The following LENG8 variants were observed in gnomAD, a reference collection of about 807,000 sequenced individuals.
LENG8 encodes leukocyte receptor cluster (LRC) member 8.
In LENG8, 28 loss-of-function variants were observed where a neutral mutation model predicts 102.1. The ratio of observed to expected loss-of-function variants is 0.27; its 90% CI spans 0.20 to 0.38. The LOEUF is 0.38. Ranked by LOEUF, LENG8 falls within the 10% of genes least tolerant of loss-of-function variation. The pLI, the probability that LENG8 is intolerant of heterozygous loss-of-function variation, is 1.00. For synonymous variants in LENG8, 531 were observed against 456.7 expected (o/e 1.16, Z -2.07); for missense variants, 1,022 against 1,113.9 (o/e 0.92, Z 1.17).
chr19:54,457,007 C>T lies in LENG8; in HGVS notation c.1731+86C>T, dbSNP rs555921252. 8.0e-6 allele frequency: 11 copies of T among 1,374,422 alleles called. No individual in the cohort carries two copies. In the Admixed American group the frequency reaches 9.8e-5, roughly 12 times the overall value. 85.1% of individuals were successfully genotyped at this position (1,374,422 alleles called of 1,614,324 possible). On this transcript the variant is annotated intron_variant, in intron 11 of 15. Coordinates refer to ENST00000326764, the MANE Select transcript of LENG8 (RefSeq NM_052925.4). ...CCAACCCAGGGAGGGTGGCAGAGGCCACACGGGGGCTCTGGTATGGCAGGG... is the reference window on the plus strand; with the variant it reads ...CCAACCCAGGGAGGGTGGCAGAGGCTACACGGGGGCTCTGGTATGGCAGGG...
At position 54,460,585 on chromosome 19, in the gene LENG8, AC is replaced by A. The variant is rs60779846; in HGVS notation, c.2241-173del. 208 of 1,354,724 alleles carry A rather than the reference AC, an allele frequency of 1.5e-4. 1 individual carries two copies. The highest frequency in any genetic ancestry group is 3.7e-4 in the African/African-American group (25 of 66,720). 83.9% of individuals were successfully genotyped at this position (1,354,724 alleles called of 1,614,324 possible). A position where few individuals can be genotyped will look rare whatever the true frequency, so the allele number is the denominator to read the frequency against. ...GGGGCACAGGGGACTGGGGTCACTAACCCCCCCCGGGCCCCCCCCGAGCCCC... is the reference window on the plus strand; with the variant it reads ...GGGGCACAGGGGACTGGGGTCACTAACCCCCCCGGGCCCCCCCCGAGCCCC... On this transcript the variant is annotated intron_variant, in intron 15 of 15. Coordinates refer to ENST00000326764, the MANE Select transcript of LENG8 (RefSeq NM_052925.4).
intron 15 of LENG8, chr19:54,460,531 G>T: frequency 7.1e-7 from 1 of 1,401,372 alleles, no homozygotes; most frequent in South Asian, 1.6e-5. Flanking sequence ...GCTCCTCCCT[G>T]GCCCCCGCAC....
intron 6 of LENG8, 22 bp downstream of exon 6, chr19:54,454,704 G>T (rs773397935): frequency 1.3e-6 from 2 of 1,574,286 alleles, no homozygotes; most frequent in Admixed American, 3.4e-5. Flanking sequence ...GAGCTACGTG[G>T]AGGTCCGAGC....
chr19:54,450,933 G>A (rs1021311226), intron 1 of LENG8, among the ~76,000 whole-genome samples: 5 of 152,088 alleles, frequency 3.3e-5, no homozygotes, highest in Admixed American at 3.3e-4. Context: ...AGAATTTTTT[G>A]TAGACCTTTT....
Position 54,457,931 on chromosome 19 carries a change from C to A in LENG8, c.1834-3C>A. On this transcript the variant is annotated splice_polypyrimidine_tract_variant and splice_region_variant and intron_variant, in intron 12 of 15. Coordinates refer to ENST00000326764, the MANE Select transcript of LENG8 (RefSeq NM_052925.4). ...GACTCTTGTTCTCGCCCCGCTGCCC[C>A]AGGTGCAGGGCATCCGCACCGAGTT... 1 of 1,613,922 alleles carries A rather than the reference C, an allele frequency of 6.2e-7. No individual in the cohort carries two copies. The highest frequency in any genetic ancestry group is 8.5e-7 in the Non-Finnish European group (1 of 1,180,002).
chr19:54,449,904 A>G (rs1441652978), intron 1 of LENG8, among the ~76,000 whole-genome samples: 1 of 151,802 alleles, frequency 6.6e-6, no homozygotes, highest in African/African-American at 2.4e-5. Context: ...CCTCGTCTCC[A>G]CCCACGCCCT....
chr19:54,453,505 G>A (rs777491839), intron 4 of LENG8, 41 bp from the exon 5 acceptor site: 4 of 1,389,342 alleles, frequency 2.9e-6, no homozygotes, highest in South Asian at 2.3e-5. Flanking sequence ...AGCGGAAAGG[G>A]TAGGCCTCCC....
rs531274898 is a variant in LENG8, at chr19:54,461,879, C to A, written c.*951C>A. 1 of 721,950 alleles carries A rather than the reference C, an allele frequency of 1.4e-6. No homozygotes were observed. The highest frequency in any genetic ancestry group is 1.7e-5 in the African/African-American group (1 of 57,478). 44.7% of individuals were successfully genotyped at this position (721,950 alleles called of 1,614,324 possible). On this transcript the variant is annotated 3_prime_UTR_variant, in exon 16 of 16. Transcript: ENST00000326764. Reference sequence around the variant, plus strand: ...TGCAAACAGCTGGACTGTCAGGCTGCTTTTTTTCCAGATGTTCCTCCTCTG... The same window carrying A: ...TGCAAACAGCTGGACTGTCAGGCTGATTTTTTTCCAGATGTTCCTCCTCTG...
chr19:54,451,682 A>G (rs2083968068), intron 2 of LENG8, among the ~76,000 whole-genome samples: 1 of 152,166 alleles, frequency 6.6e-6, no homozygotes, highest in Non-Finnish European at 1.5e-5. Flanking sequence ...ATACACAGTC[A>G]TTTATTTGTT....
chr19:54,459,993 C>T lies in LENG8; in HGVS notation c.2241-773C>T. On this transcript the variant is annotated intron_variant, in intron 15 of 15. Transcript: ENST00000326764. The stretch of plus-strand genomic sequence containing the variant: ...TTGGTTGGGAACATAGCCATGAGTG[C>T]CCCTCGTGGGTGGGGCGCCAGTCTG... 6 of 1,240,760 alleles carry T rather than the reference C, an allele frequency of 4.8e-6. No individual in the cohort carries two copies. In the South Asian group the frequency reaches 8.1e-5, roughly 17 times the overall value. The allele number at this position is 1,240,760 out of a possible 1,614,324, so 76.9% of individuals were successfully genotyped here.
intron 5 of LENG8, 140 bp downstream of exon 5, chr19:54,453,796 G>C: frequency 1.5e-6 from 1 of 648,430 alleles, no homozygotes; most frequent in African/African-American, 1.8e-5. Flanking sequence ...AAATGAGGAG[G>C]ACAGAGCATA....
chr19:54,458,009 TGGCCTCTGCG>T lies in LENG8; in HGVS notation c.1902+14_1902+23del, dbSNP rs1473016497. 6.2e-7 allele frequency: 1 copy of T among 1,613,480 alleles called. No individual in the cohort carries two copies. The highest frequency in any genetic ancestry group is 1.3e-5 in the African/African-American group (1 of 75,078). On this transcript the variant is annotated splice_region_variant and intron_variant, in intron 13 of 15. Coordinates refer to ENST00000326764, the MANE Select transcript of LENG8 (RefSeq NM_052925.4). ...CCGGATCGCCTTGGAGAAGGTGAGC[TGGCCTCTGCG>T]GGCCTCCCCAGCCCCTTTCCTGCTG...
In LENG8 at chr19:54,451,240, G is replaced by A. The variant is rs531894047; in HGVS notation, c.-55-50G>A. On this transcript the variant is annotated intron_variant, in intron 1 of 15. Coordinates refer to ENST00000326764, the MANE Select transcript of LENG8 (RefSeq NM_052925.4). The stretch of plus-strand genomic sequence containing the variant: ...CTACTTTTCTTCCCCACTTTGTGAC[G>A]TGTTTTTAGCTCCCCCTTAAGTCTC... 63 of 1,182,016 alleles carry A rather than the reference G, an allele frequency of 5.3e-5. 2 individuals are homozygous for A. In the South Asian group the frequency reaches 6.9e-4, roughly 13 times the overall value. The allele number at this position is 1,182,016 out of a possible 1,614,324, so 73.2% of individuals were successfully genotyped here. A position where few individuals can be genotyped will look rare whatever the true frequency, so the allele number is the denominator to read the frequency against.
At position 54,455,497 on chromosome 19, in the gene LENG8, G is replaced by C; in HGVS notation, c.955G>C (p.Glu319Gln). Residue 319 changes from glutamate (E) to glutamine (Q), a missense_variant, in exon 8 of 16, where the codon GAG becomes CAG. Glu to Gln is a conservative substitution (Grantham distance 29, BLOSUM62 2). This residue lies in a region of LENG8 where 24 missense variants were observed against 47.9 expected (regional missense o/e 0.50). Transcript: ENST00000326764. Reference sequence around the variant, plus strand: ...GGACCGCACGGAAAAGCTGCTCAAGGAGGTGCTGCAGGCGCGGCTGCAGGA... The same window carrying C: ...GGACCGCACGGAAAAGCTGCTCAAGCAGGTGCTGCAGGCGCGGCTGCAGGA... ...DKDRTEKLLK[E>Q]VLQARLQDGS... 6.2e-7 allele frequency: 1 copy of C among 1,614,086 alleles called. No individual in the cohort carries two copies. The highest frequency in any genetic ancestry group is 8.5e-7 in the Non-Finnish European group (1 of 1,180,036).
chr19:54,453,329 G>A (rs1021506779), intron 4 of LENG8, among the ~76,000 whole-genome samples: 8 of 152,162 alleles, frequency 5.3e-5, no homozygotes, highest in Non-Finnish European at 7.4e-5. Flanking sequence ...ACTCAGTATC[G>A]TTGATTATAT....
rs1569294515 is a variant in LENG8 at position 54,454,643 on chromosome 19, A to C, written c.640A>C (p.Lys214Gln). ...YGPHTYTEPA[K>Q]PKKGQQLWNR... ...GCCACACACCTACACCGAACCTGCC[A>C]AGCCCAAGAAGGGCCAACAGCTGTG... Residue 214 changes from lysine to glutamine, a missense_variant, in exon 6 of 16, where the codon AAG (lysine) becomes CAG (glutamine). Lys to Gln is a moderately conservative substitution (Grantham distance 53). This residue lies in a region of LENG8 where 343 missense variants were observed against 320.2 expected (regional missense o/e 1.07). Transcript: ENST00000326764. 1 of 1,606,524 alleles carries C rather than the reference A, an allele frequency of 6.2e-7. No individual in the cohort carries two copies. Among genetic ancestry groups the C allele is most frequent in the Non-Finnish European group, 8.5e-7 (1 of 1,178,336 alleles).
At chr19:54,460,333 A>G in intron 15 of LENG8, 1 of 1,213,224 alleles carries the variant, frequency 8.2e-7, no homozygotes, top group Non-Finnish European at 1.1e-6. Context: ...GGTGAGTGCT[A>G]GCTGGCACCC....
chr19:54,457,773 C>G lies in LENG8; in HGVS notation c.1758C>G (p.Val586=), dbSNP rs142424676. 2 of 1,613,944 alleles carry G rather than the reference C, an allele frequency of 1.2e-6. No individual in the cohort carries two copies. The highest frequency in any genetic ancestry group is 1.7e-5 in the Admixed American group (1 of 60,004). The change falls in exon 12 of 16, where the codon GTC becomes GTG. Residue 586 remains valine (V), a synonymous_variant. Transcript: ENST00000326764. ...TTTTGAAAAAGTCGCTGTGCATGGT[C>G]AAGTGCCACTGGAAAGAGAAGCAGG... ...VAVLKKSLCM[V]KCHWKEKQDY...
chr19:54,456,491 AC>A lies in LENG8; in HGVS notation c.1445+27del, dbSNP rs745699829. Reference sequence around the variant, plus strand: ...GTGAGACTGTGTGAGGGCTCGACACACGGGCCAGGGTGGAGGAGGGTACTGG... The same window carrying A: ...GTGAGACTGTGTGAGGGCTCGACACAGGGCCAGGGTGGAGGAGGGTACTGG... On this transcript the variant is annotated intron_variant, in intron 10 of 15. Transcript: ENST00000326764. 10 of 1,587,300 alleles carry A rather than the reference AC, an allele frequency of 6.3e-6. No individual in the cohort carries two copies. The East Asian group carries it at 2.3e-4, about 36-fold the overall frequency.
Sources: allele counts gnomAD v4.1 joint callset (sites outside exome capture counted in the v4.1 genomes callset), GRCh38; gene constraint gnomAD v4.1.1; regional missense constraint gnomAD v4.1.1; transcripts MANE v1.5; gene names NCBI Gene and HGNC (gene_info 2026-07-23, HGNC 2026-07-21).